Variants in MYO10 observed in about 807,000 individuals in gnomAD.
The protein encoded by MYO10 is unconventional myosin-X.
A neutral mutation model predicts 257.3 loss-of-function variants in MYO10; 133 were observed. The observed-to-expected ratio is 0.52, with a 90% confidence interval of 0.45 to 0.60. The LOEUF is 0.60. Among genes scored for constraint, MYO10 ranks in the 20% least tolerant of loss-of-function variants. MYO10 has a pLI of 0.00. For synonymous variants in MYO10, 1,104 were observed against 1,028.6 expected (o/e 1.07, Z -1.40); for missense variants, 2,399 against 2,635.7 (o/e 0.91, Z 1.97).
In MYO10 at chr5:16,780,649, G is replaced by A. The variant is rs1446304498; in HGVS notation, c.742-41C>T. ...AGATTTATATTCAGAGATGTGTCCTGTGCTTAATTCACACAAACCAATAAT... is the reference window on the plus strand; with the variant it reads ...AGATTTATATTCAGAGATGTGTCCTATGCTTAATTCACACAAACCAATAAT... On this transcript the variant is annotated intron_variant, in intron 7 of 40. Coordinates refer to ENST00000513610, the MANE Select transcript of MYO10 (RefSeq NM_012334.3). The A allele has an allele frequency of 4.5e-6, 7 of 1,548,766 alleles. No homozygotes were observed. In the South Asian group the frequency reaches 4.7e-5, roughly 10 times the overall value.
At chr5:16,687,322 C>G (rs887321055) in intron 28 of MYO10, among the ~76,000 whole-genome samples, 5 of 149,896 alleles carry the variant, frequency 3.3e-5, no homozygotes, top group African/African-American at 1.2e-4. Flanking sequence ...CTCTGCCTCA[C>G]AAAAAAAACA....
chr5:16,767,257 G>A (rs1236749727), intron 10 of MYO10, among the ~76,000 whole-genome samples: 40 of 140,028 alleles, frequency 2.9e-4, no homozygotes, highest in Admixed American at 7.8e-5. Flanking sequence ...TGCAACCTCC[G>A]CGTCCTGGGT....
chr5:16,928,404 G>A (rs1251787232), intron 1 of MYO10, among the ~76,000 whole-genome samples: 1 of 152,092 alleles, frequency 6.6e-6, no homozygotes, highest in African/African-American at 2.4e-5. Context: ...ATGTTGCCCA[G>A]GCTGGTCTCG....
chr5:16,689,405 T>C (rs1317211717), intron 28 of MYO10, among the ~76,000 whole-genome samples: 1 of 152,210 alleles, frequency 6.6e-6, no homozygotes, highest in Non-Finnish European at 1.5e-5. Flanking sequence ...CATAGCACTA[T>C]CAGTTACTTA....
chr5:16,715,730 C>G (rs1486813511), intron 19 of MYO10, among the ~76,000 whole-genome samples: 1 of 151,856 alleles, frequency 6.6e-6, no homozygotes, highest in African/African-American at 2.4e-5. Context: ...ACATAAGAAC[C>G]ATATCTCAAA....
chr5:16,931,290 A>T lies in MYO10; in HGVS notation c.21+4498T>A, dbSNP rs138587892. Among the ~76,000 whole-genome samples the T allele has an allele frequency of 6.4e-3, 978 of 152,132 alleles. 17 individuals are homozygous for T. The highest frequency in any genetic ancestry group is 0.023 in the African/African-American group (941 of 41,520). Reference sequence around the variant, plus strand: ...CCATCTCAAAACAATAATAATAATAATAGTAATAATAATAAGATACTCCAT... The same window carrying T: ...CCATCTCAAAACAATAATAATAATATTAGTAATAATAATAAGATACTCCAT... On this transcript the variant is annotated intron_variant, in intron 1 of 40. Transcript: ENST00000513610.
intron 36 of MYO10, 94 bp downstream of exon 36, chr5:16,673,588 A>G: frequency 1.5e-6 from 2 of 1,375,014 alleles, no homozygotes; most frequent in Non-Finnish European, 2.0e-6. Context: ...GCAACTGTGC[A>G]GGACAGCCAC....
chr5:16,793,034 G>C (rs1404691777), intron 4 of MYO10, among the ~76,000 whole-genome samples: 1 of 152,184 alleles, frequency 6.6e-6, no homozygotes, highest in Non-Finnish European at 1.5e-5. Context: ...GCAGATGTCG[G>C]AATCTTCGTT....
chr5:16,882,939 G>A (rs1034410258), intron 1 of MYO10, among the ~76,000 whole-genome samples: 10 of 138,496 alleles, frequency 7.2e-5, no homozygotes, highest in Admixed American at 2.7e-4. Flanking sequence ...TTTTTGAGAC[G>A]GAGTCTCACT....
intron 2 of MYO10, among the ~76,000 whole-genome samples, chr5:16,835,676 C>T (rs1006833985): frequency 4.0e-5 from 6 of 151,524 alleles, no homozygotes; most frequent in African/African-American, 1.5e-4. Flanking sequence ...CCCATCCCCA[C>T]TATCAAGGAA....
At chr5:16,863,533 T>C (rs981438875) in intron 2 of MYO10, among the ~76,000 whole-genome samples, 1 of 152,198 alleles carries the variant, frequency 6.6e-6, no homozygotes, top group African/African-American at 2.4e-5. Context: ...CACATTCCTA[T>C]AACACAAACG....
chr5:16,754,607 A>C (rs529048374), intron 19 of MYO10, among the ~76,000 whole-genome samples: 1 of 152,292 alleles, frequency 6.6e-6, no homozygotes, highest in South Asian at 2.1e-4. Context: ...TTCCTTTTCA[A>C]ATAGATGTCC....
chr5:16,888,675 G>C (rs765604235), intron 1 of MYO10, among the ~76,000 whole-genome samples: 1 of 151,664 alleles, frequency 6.6e-6, no homozygotes, highest in South Asian at 2.1e-4. Context: ...CCAGATGTTC[G>C]AGGATACAGT....
In MYO10 at chr5:16,783,885, T is replaced by G. The variant is rs192934385; in HGVS notation, c.468-416A>C. On this transcript the variant is annotated intron_variant, in intron 4 of 40. Transcript: ENST00000513610. ...CTGAGAAACTTAAAGCAGGTACACA[T>G]GAATAAAAATGCAATCATTCATGAG... 2.7e-3 allele frequency among the ~76,000 whole-genome samples: 411 copies of G among 152,262 alleles called. 3 individuals are homozygous for G. Among genetic ancestry groups the G allele is most frequent in the Non-Finnish European group, 4.9e-3 (330 of 68,024 alleles).
At chr5:16,700,533 C>T (rs1737996424) in intron 25 of MYO10, among the ~76,000 whole-genome samples, 1 of 151,978 alleles carries the variant, frequency 6.6e-6, no homozygotes, top group Non-Finnish European at 1.5e-5. Context: ...AAAAATTAGA[C>T]CGGTGTGCTG....
intron 17 of MYO10, among the ~76,000 whole-genome samples, chr5:16,760,924 G>T (rs1740691142): frequency 6.6e-6 from 1 of 151,746 alleles, no homozygotes; most frequent in Admixed American, 6.6e-5. Flanking sequence ...TCTGTGGTTG[G>T]TTTATTTCAG....
intron 2 of MYO10, among the ~76,000 whole-genome samples, chr5:16,847,175 T>C (rs898625046): frequency 6.6e-6 from 1 of 151,842 alleles, no homozygotes; most frequent in Non-Finnish European, 1.5e-5. Flanking sequence ...CTCATGCCTG[T>C]AATCCCAGCA....
Position 16,830,298 on chromosome 5 carries a change from T to C in MYO10, c.121-12131A>G, listed in dbSNP as rs181163314. 5.7e-4 allele frequency among the ~76,000 whole-genome samples: 87 copies of C among 152,218 alleles called. No individual in the cohort carries two copies. In the South Asian group the frequency reaches 7.3e-3, roughly 13 times the overall value. On this transcript the variant is annotated intron_variant, in intron 2 of 40. Transcript: ENST00000513610. ...TTATATGTAAGGTCAGGAACTGTGA[T>C]TTTATAGACTCAGGTACAGATTTCC...
intron 2 of MYO10, among the ~76,000 whole-genome samples, chr5:16,847,796 G>A (rs1003084288): frequency 2.0e-5 from 3 of 152,134 alleles, no homozygotes; most frequent in African/African-American, 7.2e-5. Context: ...TGATGCAGGA[G>A]GACTGCTTGA....
Sources: gnomAD v4.1 joint callset for allele counts (sites outside exome capture counted in the v4.1 genomes callset) on GRCh38, gnomAD v4.1.1 for gene constraint, MANE v1.5 for transcripts, NCBI Gene and HGNC (gene_info 2026-07-23, HGNC 2026-07-21) for gene names.